The following GPR78 variants were observed in gnomAD, a reference collection of about 807,000 sequenced individuals.
The protein encoded by GPR78 is G protein-coupled receptor 78.
GPR78 carries 29 observed loss-of-function variants against 17.9 expected under a neutral mutation model. The ratio of observed to expected loss-of-function variants is 1.62; its 90% CI spans 1.20 to 2.21. The LOEUF is 2.21. Among genes scored for constraint, GPR78 ranks in the 30% most tolerant of loss-of-function variants. GPR78 has a pLI of 0.00. For missense variants in GPR78, 649 were observed against 530.5 expected (o/e 1.22, Z -2.19); for synonymous variants, 349 against 256.9 (o/e 1.36, Z -3.43).
At chr4:8,582,270 T>A (rs1713324962) in intron 1 of GPR78, among the ~76,000 whole-genome samples, 1 of 152,146 alleles carries the variant, frequency 6.6e-6, no homozygotes, top group African/African-American at 2.4e-5. Context: ...CTGCCTCAGT[T>A]GCCTCTGTGT....
rs193292147 is a variant in GPR78, at chr4:8,588,492, G to A, written c.*1129G>A. On this transcript the variant is annotated 3_prime_UTR_variant, in exon 3 of 3. Transcript: ENST00000382487. ...GTGCACACGGGCACCCGGTGGAGAG[G>A]TGTGTGTGTGAATGAGTGAGCGAGT... is the stretch of plus-strand genomic sequence containing the variant. Among the ~76,000 whole-genome samples the A allele has an allele frequency of 2.6e-5, 4 of 152,322 alleles. No homozygotes were observed. The East Asian group carries it at 7.7e-4, about 29-fold the overall frequency.
intron 2 of GPR78, 38 bp downstream of exon 2, chr4:8,582,682 C>T (rs779268746): frequency 3.6e-6 from 5 of 1,396,056 alleles, no homozygotes; most frequent in African/African-American, 2.8e-5. Context: ...GTGGGAACAG[C>T]TGGGTGGGCT....
chr4:8,585,320 C>T (rs1246233762), intron 2 of GPR78, among the ~76,000 whole-genome samples: 1 of 152,186 alleles, frequency 6.6e-6, no homozygotes, highest in Non-Finnish European at 1.5e-5. Context: ...ACAGCCTCAG[C>T]TGGGTGTTTC....
chr4:8,584,517 T>TG (rs33934179), intron 2 of GPR78, among the ~76,000 whole-genome samples: 152,375 of 152,376 alleles, frequency 1, 76,187 homozygotes, highest in Non-Finnish European at 1. Flanking sequence ...TACTCTGAGC[T>TG]GGCTTTGTGC....
At position 8,580,861 on chromosome 4, in the gene GPR78, G is replaced by C; in HGVS notation, c.-122G>C. ...CGCGCTGCTCTGGACCTTGCTAGCC[G>C]GCTCTGCACCTCCCAGAAGCCGTGG... On this transcript the variant is annotated 5_prime_UTR_variant, in exon 1 of 3. Coordinates refer to ENST00000382487, the MANE Select transcript of GPR78 (RefSeq NM_080819.5). 1.0e-6 allele frequency: 1 copy of C among 960,686 alleles called. No homozygotes were observed. Among genetic ancestry groups the C allele is most frequent in the Non-Finnish European group, 1.5e-6 (1 of 668,352 alleles). 59.5% of individuals were successfully genotyped at this position (960,686 alleles called of 1,614,324 possible).
At chr4:8,584,356 C>T (rs544513311) in intron 2 of GPR78, among the ~76,000 whole-genome samples, 2 of 152,188 alleles carry the variant, frequency 1.3e-5, no homozygotes, top group Non-Finnish European at 2.9e-5. Context: ...AGTCATGAAG[C>T]CTGCCTTTGC....
chr4:8,583,713 C>T (rs1024131178), intron 2 of GPR78, among the ~76,000 whole-genome samples: 3 of 151,850 alleles, frequency 2.0e-5, no homozygotes, highest in African/African-American at 7.3e-5. Context: ...GGGGGGGAAA[C>T]AGTTGTGTCC....
intron 2 of GPR78, among the ~76,000 whole-genome samples, chr4:8,584,485 C>G (rs958692496): frequency 6.7e-6 from 1 of 148,204 alleles, no homozygotes. Flanking sequence ...TTCATGCACT[C>G]ACTAAGCATT....
chr4:8,582,766 C>T (rs6857501), intron 2 of GPR78, 122 bp downstream of exon 2: 198,235 of 702,374 alleles, frequency 0.28, 32,565 homozygotes, highest in Non-Finnish European at 0.36. Context: ...GAGGACCCTC[C>T]TCCACACCTG....
In GPR78 at chr4:8,580,749, T is replaced by G. The variant is rs1016399492; in HGVS notation, c.-234T>G. The G allele has an allele frequency of 1.8e-6, 1 of 559,738 alleles. No homozygotes were observed. The allele number at this position is 559,738 out of a possible 1,614,324, so 34.7% of individuals were successfully genotyped here. A position where few individuals can be genotyped will look rare whatever the true frequency, so the allele number is the denominator to read the frequency against. The stretch of plus-strand genomic sequence containing the variant: ...TGGACAGCACCGCGGTTGCGCTGCC[T>G]CCAGGGCGGCCCCGGGCTGCTCCTG... On this transcript the variant is annotated 5_prime_UTR_variant, in exon 1 of 3. Transcript: ENST00000382487.
rs538570844 is a variant in GPR78, at chr4:8,589,013, C to T, written c.*1650C>T. On this transcript the variant is annotated 3_prime_UTR_variant, in exon 3 of 3. Transcript: ENST00000382487. ...TCCTGAGTAGTTGAGGACACAGGCACGGGACACCATGCCTGGCTAATTTTT... is the reference window on the plus strand; with the variant it reads ...TCCTGAGTAGTTGAGGACACAGGCATGGGACACCATGCCTGGCTAATTTTT... 7.2e-5 allele frequency among the ~76,000 whole-genome samples: 11 copies of T among 152,130 alleles called. No individual in the cohort carries two copies. Among genetic ancestry groups the T allele is most frequent in the East Asian group, 1.9e-4 (1 of 5,148 alleles).
Position 8,587,338 on chromosome 4 carries a change from A to T in GPR78, c.1067A>T (p.Asp356Val), listed in dbSNP as rs1351867902. 10 of 1,612,876 alleles carry T rather than the reference A, an allele frequency of 6.2e-6. No individual in the cohort carries two copies. Among genetic ancestry groups the T allele is most frequent in the Non-Finnish European group, 8.5e-6 (10 of 1,179,868 alleles). Residue 356 changes from aspartate to valine, a missense_variant, in exon 3 of 3, where the codon GAT (aspartate) becomes GTT (valine). Transcript: ENST00000382487. ...THNGSVDTEN[D>V]SCLQQTH ...AACGGCTCTGTGGACACAGAGAATG[A>T]TTCCTGCCTGCAGCAGACACACTGA...
rs536258858 is a variant in GPR78 at position 8,580,827 on chromosome 4, C to G, written c.-156C>G. The G allele has an allele frequency of 3.3e-5, 25 of 750,690 alleles. No individual in the cohort carries two copies. The highest frequency in any genetic ancestry group is 4.8e-5 in the Non-Finnish European group (23 of 482,416). 46.5% of individuals were successfully genotyped at this position (750,690 alleles called of 1,614,324 possible). A position where few individuals can be genotyped will look rare whatever the true frequency, so the allele number is the denominator to read the frequency against. ...GTGCCCCGGACCCTGCACTTGCCGC[C>G]GCTTTCCTCGCGCTGCTCTGGACCT... On this transcript the variant is annotated 5_prime_UTR_variant, in exon 1 of 3. Coordinates refer to ENST00000382487, the MANE Select transcript of GPR78 (RefSeq NM_080819.5).
intron 2 of GPR78, 84 bp from the exon 3 acceptor site, chr4:8,586,970 T>C: frequency 8.1e-7 from 1 of 1,228,496 alleles, no homozygotes; most frequent in South Asian, 1.4e-5. Context: ...TACTTGAGTA[T>C]GGTTCTAGCA....
rs561787272 is a variant in GPR78 at position 8,587,377 on chromosome 4, C to A, written c.*14C>A. On this transcript the variant is annotated 3_prime_UTR_variant, in exon 3 of 3. Coordinates refer to ENST00000382487, the MANE Select transcript of GPR78 (RefSeq NM_080819.5). ...CAGACACACTGAGGGCCTGGCAGGG[C>A]TCATCGCCCCCACCTTCTAAGAAGC... 1 of 1,605,424 alleles carries A rather than the reference C, an allele frequency of 6.2e-7. No individual in the cohort carries two copies. Among genetic ancestry groups the A allele is most frequent in the Admixed American group, 1.7e-5 (1 of 59,836 alleles).
In GPR78 at chr4:8,580,657, C is replaced by T. The variant is rs1713231814; in HGVS notation, c.-326C>T. The T allele has an allele frequency of 4.6e-6, 2 of 431,856 alleles. No homozygotes were observed. Among genetic ancestry groups the T allele is most frequent in the Non-Finnish European group, 4.1e-6 (1 of 245,600 alleles). The allele number at this position is 431,856 out of a possible 1,614,324, so 26.8% of individuals were successfully genotyped here. A position where few individuals can be genotyped will look rare whatever the true frequency, so the allele number is the denominator to read the frequency against. On this transcript the variant is annotated 5_prime_UTR_variant, in exon 1 of 3. Transcript: ENST00000382487. ...AAGAGACCTCCCTCGCCCCTACGCCCCGCGCCCCTGCGCCTCGCTTCAGCC... is the reference window on the plus strand; with the variant it reads ...AAGAGACCTCCCTCGCCCCTACGCCTCGCGCCCCTGCGCCTCGCTTCAGCC...
intron 2 of GPR78, among the ~76,000 whole-genome samples, chr4:8,585,729 C>T (rs1310957189): frequency 6.6e-6 from 1 of 152,122 alleles, no homozygotes; most frequent in Non-Finnish European, 1.5e-5. Context: ...CCCTCACCTT[C>T]TCTCTGTCGT....
rs1310999106 is a variant in GPR78 at position 8,589,587 on chromosome 4, C to T, written c.*2224C>T. On this transcript the variant is annotated 3_prime_UTR_variant, in exon 3 of 3. Transcript: ENST00000382487. ...CTCCTTGGCTGAGCCCTCTCCTGTC[C>T]CTGGGAGCTCCCCAGGTGCGAGGAG... Among the ~76,000 whole-genome samples, 3 of 152,370 alleles carry T rather than the reference C, an allele frequency of 2.0e-5. No individual in the cohort carries two copies. Among genetic ancestry groups the T allele is most frequent in the Admixed American group, 6.5e-5 (1 of 15,306 alleles).
At position 8,580,893 on chromosome 4, in the gene GPR78, C is replaced by T; in HGVS notation, c.-90C>T. The T allele has an allele frequency of 2.4e-6, 3 of 1,239,104 alleles. No individual in the cohort carries two copies. Among genetic ancestry groups the T allele is most frequent in the Middle Eastern group, 2.8e-4 (1 of 3,528 alleles). The allele number at this position is 1,239,104 out of a possible 1,614,324, so 76.8% of individuals were successfully genotyped here. A position where few individuals can be genotyped will look rare whatever the true frequency, so the allele number is the denominator to read the frequency against. Reference sequence around the variant, plus strand: ...CACCTCCCAGAAGCCGTGGGCGCGCCGCTCAGCTGCTCCATCGCCTCACTT... The same window carrying T: ...CACCTCCCAGAAGCCGTGGGCGCGCTGCTCAGCTGCTCCATCGCCTCACTT... On this transcript the variant is annotated 5_prime_UTR_variant, in exon 1 of 3. Coordinates refer to ENST00000382487, the MANE Select transcript of GPR78 (RefSeq NM_080819.5).
Sources: allele counts gnomAD v4.1 joint callset (sites outside exome capture counted in the v4.1 genomes callset), GRCh38; gene constraint gnomAD v4.1.1; transcripts MANE v1.5; gene names NCBI Gene and HGNC (gene_info 2026-07-23, HGNC 2026-07-21).